SYBU: variants seen among roughly 807,000 people sequenced by gnomAD.
SYBU encodes GOLSYN A protein.
In SYBU, 21 loss-of-function variants were observed where a neutral mutation model predicts 35.9. That is an observed-to-expected ratio of 0.58 (90% confidence interval 0.41 to 0.84). The LOEUF (loss-of-function observed/expected upper bound fraction) is 0.84. SYBU is among the 40% of genes least tolerant of loss of function. The probability of loss-of-function intolerance (pLI) is 0.00; values close to 1 mark genes in which losing one functional copy is unlikely to be tolerated. For missense variants in SYBU, 768 were observed against 848.2 expected (o/e 0.91, Z 1.17); for synonymous variants, 319 against 324.3 (o/e 0.98, Z 0.18).
intron 2 of SYBU, among the ~76,000 whole-genome samples, chr8:109,621,099 A>C (rs993512194): frequency 1.3e-5 from 2 of 152,186 alleles, no homozygotes; most frequent in Non-Finnish European, 2.9e-5. Context: ...TGTGCTTCAG[A>C]GTGTCTAACC....
intron 4 of SYBU, among the ~76,000 whole-genome samples, chr8:109,585,406 A>G (rs1016549180): frequency 6.6e-6 from 1 of 152,186 alleles, no homozygotes; most frequent in Admixed American, 6.5e-5. Context: ...GGCTGGGTCT[A>G]TTTCACAGAT....
rs781486824 is a variant in SYBU at position 109,615,506 on chromosome 8, C to T, written c.427+3336G>A. Among the ~76,000 whole-genome samples the T allele has an allele frequency of 1.0e-3, 155 of 152,168 alleles. 1 individual carries two copies. The highest frequency in any genetic ancestry group is 4.6e-3 in the Admixed American group (71 of 15,278). ...GTTCAGAGAACTATAGGTCACGGTGCAGATTTTTGTCAAAGAACTTACCGT... is the reference window on the plus strand; with the variant it reads ...GTTCAGAGAACTATAGGTCACGGTGTAGATTTTTGTCAAAGAACTTACCGT... On this transcript the variant is annotated intron_variant, in intron 3 of 6. Transcript: ENST00000276646.
intron 1 of SYBU, among the ~76,000 whole-genome samples, chr8:109,672,403 T>C (rs1208759946): frequency 1.3e-5 from 2 of 152,122 alleles, no homozygotes; most frequent in Non-Finnish European, 2.9e-5. Context: ...AGGTGGAGCA[T>C]TGCCTCACCT....
chr8:109,652,439 A>C (rs1428324445), intron 1 of SYBU, among the ~76,000 whole-genome samples: 3 of 151,394 alleles, frequency 2.0e-5, no homozygotes, highest in Admixed American at 2.0e-4. Context: ...TCCAGGCCCC[A>C]AGGATTGATG....
In SYBU at chr8:109,642,792, T is replaced by C. The variant is rs1815065730; in HGVS notation, c.165A>G (p.Arg55=). The change falls in exon 2 of 7, where the codon AGA becomes AGG. Residue 55 remains arginine, a synonymous_variant. Transcript: ENST00000276646. Reference sequence around the variant, plus strand: ...GCCCAGAGCTGCTGGGGTTGAACTCTCTGCTCTCTTCCTCAGAGAAAGGAG... The same window carrying C: ...GCCCAGAGCTGCTGGGGTTGAACTCCCTGCTCTCTTCCTCAGAGAAAGGAG... ...SESPFSEEES[R]EFNPSSSGRS... 6.2e-7 allele frequency: 1 copy of C among 1,613,698 alleles called. No individual in the cohort carries two copies. The highest frequency in any genetic ancestry group is 1.3e-5 in the African/African-American group (1 of 74,926).
chr8:109,659,594 T>A (rs1035345805), intron 1 of SYBU, among the ~76,000 whole-genome samples: 1 of 152,196 alleles, frequency 6.6e-6, no homozygotes, highest in African/African-American at 2.4e-5. Context: ...TAAATTTTAC[T>A]CATCACAACT....
At chr8:109,654,780 C>A (rs1483588561) in intron 1 of SYBU, among the ~76,000 whole-genome samples, 1 of 152,200 alleles carries the variant, frequency 6.6e-6, no homozygotes, top group Non-Finnish European at 1.5e-5. Flanking sequence ...TAAACAATAT[C>A]ATCATGAAGA....
At chr8:109,583,890 C>A (rs974143553) in intron 4 of SYBU, among the ~76,000 whole-genome samples, 2 of 152,166 alleles carry the variant, frequency 1.3e-5, no homozygotes, top group African/African-American at 4.8e-5. Flanking sequence ...CTCACTGCAA[C>A]CTCCGCCTCT....
rs1317811943 is a variant in SYBU at position 109,574,945 on chromosome 8, C to G, written c.1953G>C (p.Leu651=). Residue 651 remains leucine, a synonymous_variant, in exon 7 of 7, where the codon CTG becomes CTC. Transcript: ENST00000276646. ...GGAAGGCGGTGCGGCGGAGCGAATG[C>G]AGGGCAACCACGCAACAGCCCCTGA... The part of the protein sequence containing the change: ...ALLRGCCVVA[L]HSLRRTAFRI... 2 of 1,517,560 alleles carry G rather than the reference C, an allele frequency of 1.3e-6. No individual in the cohort carries two copies. The highest frequency in any genetic ancestry group is 1.8e-6 in the Non-Finnish European group (2 of 1,133,740). 94.0% of individuals were successfully genotyped at this position (1,517,560 alleles called of 1,614,324 possible). A position where few individuals can be genotyped will look rare whatever the true frequency, so the allele number is the denominator to read the frequency against.
At chr8:109,576,665 CAGGT>C (rs1417229982) in intron 6 of SYBU, among the ~76,000 whole-genome samples, 1 of 152,170 alleles carries the variant, frequency 6.6e-6, no homozygotes, top group East Asian at 1.9e-4. Flanking sequence ...TGTCTCCTCT[CAGGT>C]AGGATAATAT....
intron 2 of SYBU, among the ~76,000 whole-genome samples, chr8:109,622,319 C>T (rs1812514562): frequency 6.6e-6 from 1 of 152,022 alleles, no homozygotes; most frequent in South Asian, 2.1e-4. Flanking sequence ...GCAGATGCCA[C>T]CTCCTGGGTT....
At chr8:109,607,814 A>T (rs1826226196) in intron 3 of SYBU, 2 of 446,688 alleles carry the variant, frequency 4.5e-6, no homozygotes, top group Admixed American at 3.1e-5. Context: ...TAACTCACAC[A>T]CACACACACA....
intron 1 of SYBU, among the ~76,000 whole-genome samples, chr8:109,661,141 G>A (rs1816545578): frequency 1.3e-5 from 2 of 152,232 alleles, no homozygotes; most frequent in South Asian, 4.1e-4. Flanking sequence ...ACCATACAGT[G>A]TGTAAATACA....
At chr8:109,583,628 G>A (rs564291424) in intron 4 of SYBU, among the ~76,000 whole-genome samples, 5 of 152,162 alleles carry the variant, frequency 3.3e-5, no homozygotes, top group Admixed American at 2.6e-4. Context: ...CACTACATGG[G>A]GAAGCAGCCA....
chr8:109,612,308 A>G (rs1394702866), intron 3 of SYBU, among the ~76,000 whole-genome samples: 1 of 152,186 alleles, frequency 6.6e-6, no homozygotes, highest in Non-Finnish European at 1.5e-5. Context: ...AGTGTTATTC[A>G]AGCCCACAGT....
chr8:109,588,366 A>G (rs765697452), intron 3 of SYBU, among the ~76,000 whole-genome samples: 4 of 152,214 alleles, frequency 2.6e-5, no homozygotes, highest in Non-Finnish European at 5.9e-5. Context: ...CTGGAACTCA[A>G]TATACTGACT....
At chr8:109,642,576 G>T in intron 2 of SYBU, 152 bp downstream of exon 2, 1 of 451,610 alleles carries the variant, frequency 2.2e-6, no homozygotes, top group Non-Finnish European at 3.8e-6. Context: ...GTGTTTGTAG[G>T]TCACAACAGC....
intron 1 of SYBU, among the ~76,000 whole-genome samples, chr8:109,672,523 T>G (rs531260024): frequency 1.0e-3 from 153 of 152,290 alleles, no homozygotes; most frequent in Middle Eastern, 6.8e-3. Context: ...TTTCCCATGG[T>G]CTTCACAACC....
intron 2 of SYBU, among the ~76,000 whole-genome samples, chr8:109,639,941 C>T (rs1024712659): frequency 6.6e-6 from 1 of 152,180 alleles, no homozygotes. Context: ...GCCTACACAG[C>T]ACTCAAAAGC....
Sources: gnomAD v4.1 joint callset for allele counts (sites outside exome capture counted in the v4.1 genomes callset) on GRCh38, gnomAD v4.1.1 for gene constraint, MANE v1.5 for transcripts, NCBI Gene and HGNC (gene_info 2026-07-23, HGNC 2026-07-21) for gene names.